Variants in POLE3 observed in about 807,000 individuals in gnomAD.
The protein encoded by POLE3 is DNA polymerase epsilon 3, accessory subunit.
Under a neutral mutation model 16.1 loss-of-function variants are expected in POLE3, and 10 were observed. The observed-to-expected ratio is 0.62, with a 90% confidence interval of 0.38 to 1.05. POLE3 has a LOEUF of 1.05. Among genes scored for constraint, POLE3 ranks in the 50% least tolerant of loss-of-function variants. POLE3 has a pLI of 0.01. For synonymous variants in POLE3, 83 were observed against 71.0 expected (o/e 1.17, Z -0.85); for missense variants, 169 against 185.0 (o/e 0.91, Z 0.50).
In POLE3 at chr9:113,410,615, A is replaced by C; in HGVS notation, c.-116+2T>G. 2.2e-6 allele frequency: 1 copy of C among 460,954 alleles called. No individual in the cohort carries two copies. Among genetic ancestry groups the C allele is most frequent in the Non-Finnish European group, 4.0e-6 (1 of 251,400 alleles). 28.6% of individuals were successfully genotyped at this position (460,954 alleles called of 1,614,324 possible). Reference sequence around the variant, plus strand: ...CCATCGCCGCGTCGGGAACCTTCTCACCAACTTATTTGGCTCAATGGAGCT... The same window carrying C: ...CCATCGCCGCGTCGGGAACCTTCTCCCCAACTTATTTGGCTCAATGGAGCT... On this transcript the variant is annotated splice_donor_variant, in intron 1 of 4. Transcript: ENST00000374171. LOFTEE classifies it low-confidence loss of function (5UTR_SPLICE).
chr9:113,407,721 A>C lies in POLE3; in HGVS notation c.*1090T>G, dbSNP rs1470034569. ...TGAGAGACTCCATCTCTTAAAAACA[A>C]AACGTGAGATTAGAACTAAGGAATC... On this transcript the variant is annotated 3_prime_UTR_variant, in exon 5 of 5. Transcript: ENST00000374171. The C allele has an allele frequency of 6.6e-6, 1 of 152,334 alleles. No individual in the cohort carries two copies. The highest frequency in any genetic ancestry group is 1.5e-5 in the Non-Finnish European group (1 of 68,086). 9.4% of individuals were successfully genotyped at this position (152,334 alleles called of 1,614,324 possible).
chr9:113,409,075 G>C (rs2119033428), intron 4 of POLE3, 92 bp from the exon 5 acceptor site: 3 of 1,226,830 alleles, frequency 2.4e-6, no homozygotes, highest in Non-Finnish European at 3.5e-6. Flanking sequence ...TGGAAAAACG[G>C]AGGCAGATGG....
At position 113,410,008 on chromosome 9, in the gene POLE3, C is replaced by T. The variant is rs1175624119; in HGVS notation, c.152+47G>A. 4 of 1,486,438 alleles carry T rather than the reference C, an allele frequency of 2.7e-6. No individual in the cohort carries two copies. The African/African-American group carries it at 5.6e-5, about 21-fold the overall frequency. The allele number at this position is 1,486,438 out of a possible 1,614,324, so 92.1% of individuals were successfully genotyped here. On this transcript the variant is annotated intron_variant, in intron 3 of 4. Coordinates refer to ENST00000374171, the MANE Select transcript of POLE3 (RefSeq NM_017443.5). The stretch of plus-strand genomic sequence containing the variant: ...GTTTGTAGGCTCCCAGCCAGCAACT[C>T]CCAGCCAGGTATCCCCGCGCCTCCC...
In POLE3 at chr9:113,408,766, C is replaced by T. The variant is rs1827991242; in HGVS notation, c.*45G>A. ...CTTCACAGAAACACGTAGCACGTCT[C>T]ATTTCAAGTGGTACCTTCCAAGGTG... On this transcript the variant is annotated 3_prime_UTR_variant, in exon 5 of 5. Coordinates refer to ENST00000374171, the MANE Select transcript of POLE3 (RefSeq NM_017443.5). 2.0e-6 allele frequency: 3 copies of T among 1,499,842 alleles called. No homozygotes were observed. Among genetic ancestry groups the T allele is most frequent in the East Asian group, 4.5e-5 (2 of 44,188 alleles). The allele number at this position is 1,499,842 out of a possible 1,614,324, so 92.9% of individuals were successfully genotyped here.
upstream of POLE3, chr9:113,410,741 C>T (rs887485265): frequency 6.6e-5 from 14 of 210,532 alleles, no homozygotes; most frequent in East Asian, 2.5e-4. Flanking sequence ...CGGGGCGGAT[C>T]CCTTTAGGAC....
Position 113,410,049 on chromosome 9 carries a change from G to A in POLE3, c.152+6C>T, listed in dbSNP as rs1450017389. ...CGCGCCTCCCTTATGCCTCTGTCCC[G>A]CTCACCAGGATGTGGCGTACAGCAC... On this transcript the variant is annotated splice_donor_region_variant and intron_variant, in intron 3 of 4. Transcript: ENST00000374171. The A allele has an allele frequency of 1.9e-6, 3 of 1,554,722 alleles. No individual in the cohort carries two copies. The highest frequency in any genetic ancestry group is 2.4e-5 in the East Asian group (1 of 42,024).
At chr9:113,409,377 A>C (rs1828019939) in intron 4 of POLE3, among the ~76,000 whole-genome samples, 1 of 149,108 alleles carries the variant, frequency 6.7e-6, no homozygotes, top group Non-Finnish European at 1.5e-5. Context: ...AAAAAAAAAA[A>C]ACAAAAACAA....
intron 3 of POLE3, 79 bp downstream of exon 3, chr9:113,409,976 C>T (rs1483683223): frequency 1.4e-5 from 17 of 1,188,078 alleles, no homozygotes; most frequent in Non-Finnish European, 1.9e-5. Flanking sequence ...AGAACACAAT[C>T]GTTGGGGTTT....
In POLE3 at chr9:113,410,412, C is replaced by A. The variant is rs1280413939; in HGVS notation, c.-115-4G>T. 9 of 841,294 alleles carry A rather than the reference C, an allele frequency of 1.1e-5. No homozygotes were observed. The highest frequency in any genetic ancestry group is 1.7e-5 in the Non-Finnish European group (9 of 517,642). 52.1% of individuals were successfully genotyped at this position (841,294 alleles called of 1,614,324 possible). A position where few individuals can be genotyped will look rare whatever the true frequency, so the allele number is the denominator to read the frequency against. Reference sequence around the variant, plus strand: ...TTTCCGTTCCGCCCCACGTGGCCTACAGTGTCCCACAGTGCTCTGAGCGCC... The same window carrying A: ...TTTCCGTTCCGCCCCACGTGGCCTAAAGTGTCCCACAGTGCTCTGAGCGCC... On this transcript the variant is annotated splice_polypyrimidine_tract_variant and splice_region_variant and intron_variant, in intron 1 of 4. Transcript: ENST00000374171.
chr9:113,408,754 C>T lies in POLE3; in HGVS notation c.*57G>A. ...AGCATGGAAAAGCTTCACAGAAACA[C>T]GTAGCACGTCTCATTTCAAGTGGTA... On this transcript the variant is annotated 3_prime_UTR_variant, in exon 5 of 5. Transcript: ENST00000374171. 5 of 1,401,332 alleles carry T rather than the reference C, an allele frequency of 3.6e-6. No homozygotes were observed. Among genetic ancestry groups the T allele is most frequent in the Admixed American group, 1.8e-5 (1 of 56,976 alleles). 86.8% of individuals were successfully genotyped at this position (1,401,332 alleles called of 1,614,324 possible). A position where few individuals can be genotyped will look rare whatever the true frequency, so the allele number is the denominator to read the frequency against.
At position 113,408,774 on chromosome 9, in the gene POLE3, G is replaced by C. The variant is rs1187955635; in HGVS notation, c.*37C>G. 6.5e-7 allele frequency: 1 copy of C among 1,548,498 alleles called. No individual in the cohort carries two copies. Among genetic ancestry groups the C allele is most frequent in the East Asian group, 2.2e-5 (1 of 44,488 alleles). ...AAACACGTAGCACGTCTCATTTCAA[G>C]TGGTACCTTCCAAGGTGCCACAGTC... On this transcript the variant is annotated 3_prime_UTR_variant, in exon 5 of 5. Coordinates refer to ENST00000374171, the MANE Select transcript of POLE3 (RefSeq NM_017443.5).
In POLE3 at chr9:113,407,661, G is replaced by C. The variant is rs1326794386; in HGVS notation, c.*1150C>G. On this transcript the variant is annotated 3_prime_UTR_variant, in exon 5 of 5. Transcript: ENST00000374171. ...GGATTTCAAGGATGCAATGAGCTAT[G>C]ATCATGCCACTGCACTCCAGCCTGG... 6.6e-6 allele frequency: 1 copy of C among 152,354 alleles called. No homozygotes were observed. The highest frequency in any genetic ancestry group is 1.9e-4 in the East Asian group (1 of 5,200). 9.4% of individuals were successfully genotyped at this position (152,354 alleles called of 1,614,324 possible). A position where few individuals can be genotyped will look rare whatever the true frequency, so the allele number is the denominator to read the frequency against.
Position 113,410,435 on chromosome 9 carries a change from G to T in POLE3, c.-115-27C>A, listed in dbSNP as rs578238828. On this transcript the variant is annotated intron_variant, in intron 1 of 4. Transcript: ENST00000374171. ...TACAGTGTCCCACAGTGCTCTGAGC[G>T]CCATAGCCTCCCTCCTCCCCCCACA... is the stretch of plus-strand genomic sequence containing the variant. 26 of 706,152 alleles carry T rather than the reference G, an allele frequency of 3.7e-5. No individual in the cohort carries two copies. In the African/African-American group the frequency reaches 4.0e-4, roughly 11 times the overall value. 43.7% of individuals were successfully genotyped at this position (706,152 alleles called of 1,614,324 possible). A position where few individuals can be genotyped will look rare whatever the true frequency, so the allele number is the denominator to read the frequency against.
rs1426275652 is a variant in POLE3 at position 113,410,312 on chromosome 9, A to G, written c.-19T>C. On this transcript the variant is annotated 5_prime_UTR_variant, in exon 2 of 5. Coordinates refer to ENST00000374171, the MANE Select transcript of POLE3 (RefSeq NM_017443.5). ...CCGCCATTGCCGCCGCTGGGGCTTAAACTCCCCTTCGCCTCCGCTTCAGGG... is the reference window on the plus strand; with the variant it reads ...CCGCCATTGCCGCCGCTGGGGCTTAGACTCCCCTTCGCCTCCGCTTCAGGG... The G allele has an allele frequency of 5.0e-6, 8 of 1,610,406 alleles. No individual in the cohort carries two copies. The East Asian group carries it at 1.8e-4, about 36-fold the overall frequency.
rs760343087 is a variant in POLE3 at position 113,409,653 on chromosome 9, C to T, written c.228G>A (p.Met76Ile). 4.3e-6 allele frequency: 7 copies of T among 1,613,332 alleles called. No homozygotes were observed. The highest frequency in any genetic ancestry group is 1.7e-5 in the Admixed American group (1 of 60,008). Residue 76 changes from methionine (M) to isoleucine (I), a missense_variant, in exon 4 of 5, where the codon ATG becomes ATA. Transcript: ENST00000374171. Reference sequence around the variant, plus strand: ...ATGGGGTAACGAACCGCTGGAACTCCATCTCTTCCATGGCTGAGAGCACAT... The same window carrying T: ...ATGGGGTAACGAACCGCTGGAACTCTATCTCTTCCATGGCTGAGAGCACAT... ...ASDVLSAMEE[M>I]EFQRFVTPLK...
In POLE3 at chr9:113,408,602, T is replaced by C. The variant is rs987507992; in HGVS notation, c.*209A>G. 12 of 464,034 alleles carry C rather than the reference T, an allele frequency of 2.6e-5. No homozygotes were observed. Among genetic ancestry groups the C allele is most frequent in the Middle Eastern group, 5.8e-4 (1 of 1,710 alleles). 28.7% of individuals were successfully genotyped at this position (464,034 alleles called of 1,614,324 possible). ...TTGTCAAAAGGCCATAACCTTCAGA[T>C]TGATGAAGCAAAACAGGATTCTGCT... On this transcript the variant is annotated 3_prime_UTR_variant, in exon 5 of 5. Coordinates refer to ENST00000374171, the MANE Select transcript of POLE3 (RefSeq NM_017443.5).
In POLE3 at chr9:113,410,043, T is replaced by A; in HGVS notation, c.152+12A>T. 1 of 1,552,074 alleles carries A rather than the reference T, an allele frequency of 6.4e-7. No individual in the cohort carries two copies. On this transcript the variant is annotated intron_variant, in intron 3 of 4. Coordinates refer to ENST00000374171, the MANE Select transcript of POLE3 (RefSeq NM_017443.5). ...TATCCCCGCGCCTCCCTTATGCCTCTGTCCCGCTCACCAGGATGTGGCGTA... is the reference window on the plus strand; with the variant it reads ...TATCCCCGCGCCTCCCTTATGCCTCAGTCCCGCTCACCAGGATGTGGCGTA...
In POLE3 at chr9:113,410,213, C is replaced by T. The variant is rs772518018; in HGVS notation, c.66+15G>A. On this transcript the variant is annotated intron_variant, in intron 2 of 4. Coordinates refer to ENST00000374171, the MANE Select transcript of POLE3 (RefSeq NM_017443.5). ...TCCCTCCTGCCCGTTCGTCCGCCCC[C>T]CCCGAGCTGCTCACCGCCTCCTTGA... 4.2e-5 allele frequency: 68 copies of T among 1,613,222 alleles called. No individual in the cohort carries two copies. The East Asian group carries it at 1.5e-3, about 35-fold the overall frequency.
In POLE3 at chr9:113,409,700, G is replaced by A. The variant is rs748327091; in HGVS notation, c.181C>T (p.Arg61Trp). The A allele has an allele frequency of 2.5e-6, 4 of 1,612,672 alleles. No individual in the cohort carries two copies. The highest frequency in any genetic ancestry group is 4.5e-5 in the East Asian group (2 of 44,896). ...CANNFAMKGKRKTLNASDVLS... is the reference protein window; with the variant it reads ...CANNFAMKGKWKTLNASDVLS... ...ACATCACTGGCATTCAGCGTCTTCC[G>A]CTTTCCTTTCATTGCAAAGTTGTTA... Residue 61 changes from arginine to tryptophan, a missense_variant, in exon 4 of 5, where the codon CGG becomes TGG. By Grantham distance (101) the Arg-to-Trp change is moderately radical (BLOSUM62 -3). Transcript: ENST00000374171.
Sources: allele counts gnomAD v4.1 joint callset (sites outside exome capture counted in the v4.1 genomes callset), GRCh38; gene constraint gnomAD v4.1.1; transcripts MANE v1.5; gene names NCBI Gene and HGNC (gene_info 2026-07-23, HGNC 2026-07-21).